Variants in DNAJC10 observed in about 807,000 individuals in gnomAD.
DNAJC10 encodes the protein DnaJ heat shock protein family (Hsp40) member C10, also known as endoplasmic reticulum disulfide reductase DNAJC10.
In DNAJC10, 101 loss-of-function variants were observed where a neutral mutation model predicts 115.0. That is an observed-to-expected ratio of 0.88 (90% CI 0.75 to 1.04). The LOEUF is 1.04. DNAJC10 is among the 50% of genes least tolerant of loss of function. The pLI, the probability that DNAJC10 is intolerant of heterozygous loss-of-function variation, is 0.00. For synonymous variants in DNAJC10, 307 were observed against 301.5 expected (o/e 1.02, Z -0.19); for missense variants, 981 against 928.8 (o/e 1.06, Z -0.73).
rs1402448614 is a variant in DNAJC10, at chr2:182,717,032, T to G, written c.-187T>G. On this transcript the variant is annotated 5_prime_UTR_variant, in exon 2 of 24. The change abolishes an upstream ATG in the 5' untranslated region. Coordinates refer to ENST00000264065, the MANE Select transcript of DNAJC10 (RefSeq NM_018981.4). ...TTTTCAAAGGTATATTTTTGTGGAA[T>G]GAAAAGGAAGTATTAGAAATGAGCT... is the stretch of plus-strand genomic sequence containing the variant. 1 of 152,196 alleles carries G rather than the reference T, an allele frequency of 6.6e-6. No homozygotes were observed. The highest frequency in any genetic ancestry group is 1.9e-4 in the East Asian group (1 of 5,196). 9.4% of individuals were successfully genotyped at this position (152,196 alleles called of 1,614,324 possible).
intron 22 of DNAJC10, among the ~76,000 whole-genome samples, chr2:182,774,026 C>T (rs1471625814): frequency 6.6e-6 from 1 of 152,110 alleles, no homozygotes; most frequent in African/African-American, 2.4e-5. Flanking sequence ...GTGTAGATGA[C>T]CTTTTTGTTG....
At position 182,728,921 on chromosome 2, in the gene DNAJC10, G is replaced by C. The variant is rs778490741; in HGVS notation, c.560G>C (p.Gly187Ala). 1.9e-6 allele frequency: 3 copies of C among 1,614,004 alleles called. No homozygotes were observed. In the South Asian group the frequency reaches 3.3e-5, roughly 18 times the overall value. ...GLLRIGAVNC[G>A]DDRMLCRMKG... ...CTTCGAATTGGAGCTGTTAACTGTG[G>C]TGATGATAGAATGCTTTGCCGAATG... The change falls in exon 7 of 24, where the codon GGT becomes GCT. Residue 187 changes from glycine to alanine, a missense_variant. Physicochemically the swap from Gly to Ala is moderately conservative, Grantham distance 60. Transcript: ENST00000264065.
chr2:182,751,492 C>CG (rs1694017361), intron 14 of DNAJC10, among the ~76,000 whole-genome samples, 166 bp from the exon 15 acceptor site: 1 of 152,068 alleles, frequency 6.6e-6, no homozygotes, highest in Admixed American at 6.6e-5. Flanking sequence ...AAGGGTGCTC[C>CG]TATCAGAGCT....
At chr2:182,755,500 A>G (rs1195451222) in intron 17 of DNAJC10, among the ~76,000 whole-genome samples, 1 of 151,626 alleles carries the variant, frequency 6.6e-6, no homozygotes, top group East Asian at 1.9e-4. Context: ...CCTAGAAAAA[A>G]AAAAAGAAAA....
intron 14 of DNAJC10, among the ~76,000 whole-genome samples, chr2:182,750,871 T>C (rs1342887864): frequency 1.3e-4 from 20 of 152,214 alleles, no homozygotes; most frequent in Admixed American, 6.5e-5. Context: ...CCATCATATA[T>C]GTGGTCCACC....
At position 182,790,288 on chromosome 2, in the gene DNAJC10, T is replaced by G. The variant is rs1283922482; in HGVS notation, c.*13156T>G. Reference sequence around the variant, plus strand: ...ATTTTATACTTATAAACTTCAAGATTTGCTGAAGTACTTTGGGTGCTAAAT... The same window carrying G: ...ATTTTATACTTATAAACTTCAAGATGTGCTGAAGTACTTTGGGTGCTAAAT... On this transcript the variant is annotated 3_prime_UTR_variant, in exon 24 of 24. Transcript: ENST00000264065. 3 of 152,218 alleles carry G rather than the reference T, an allele frequency of 2.0e-5. No individual in the cohort carries two copies. Among genetic ancestry groups the G allele is most frequent in the Non-Finnish European group, 4.4e-5 (3 of 68,036 alleles). 9.4% of individuals were successfully genotyped at this position (152,218 alleles called of 1,614,324 possible).
At chr2:182,732,906 C>T (rs1693488146) in intron 10 of DNAJC10, among the ~76,000 whole-genome samples, 1 of 151,828 alleles carries the variant, frequency 6.6e-6, no homozygotes, top group Non-Finnish European at 1.5e-5. Flanking sequence ...GGGAAGTAGC[C>T]TGAGTGATGT....
intron 10 of DNAJC10, among the ~76,000 whole-genome samples, chr2:182,734,463 T>C (rs1016978414): frequency 3.3e-5 from 5 of 151,854 alleles, no homozygotes; most frequent in African/African-American, 1.2e-4. Flanking sequence ...TTTTTTTAAG[T>C]TGTTAAGCCT....
At chr2:182,738,742 G>T (rs181209649) in intron 11 of DNAJC10, among the ~76,000 whole-genome samples, 1 of 152,122 alleles carries the variant, frequency 6.6e-6, no homozygotes, top group Admixed American at 6.5e-5. Context: ...GGGTTTCACC[G>T]TGTTAGCCAG....
Position 182,752,156 on chromosome 2 carries a change from G to C in DNAJC10, c.1519G>C (p.Asp507His). 1 of 1,611,002 alleles carries C rather than the reference G, an allele frequency of 6.2e-7. No homozygotes were observed. The highest frequency in any genetic ancestry group is 8.5e-7 in the Non-Finnish European group (1 of 1,177,722). The change falls in exon 16 of 24, where the codon GAT becomes CAT. Residue 507 changes from aspartate to histidine, a missense_variant. Coordinates refer to ENST00000264065, the MANE Select transcript of DNAJC10 (RefSeq NM_018981.4). ...LYGQLKFGTL[D>H]CTVHEGLCNM... The stretch of plus-strand genomic sequence containing the variant: ...TGGTCAGCTTAAGTTTGGTACACTA[G>C]ATTGTACAGTTCATGAGGGACTCTG...
intron 22 of DNAJC10, among the ~76,000 whole-genome samples, chr2:182,771,488 A>T (rs1238215269): frequency 1.3e-5 from 2 of 152,124 alleles, no homozygotes; most frequent in African/African-American, 4.8e-5. Flanking sequence ...GCTATTAATT[A>T]TTGCCTCAAT....
intron 5 of DNAJC10, among the ~76,000 whole-genome samples, chr2:182,724,702 C>G (rs1240427024): frequency 6.6e-6 from 1 of 152,116 alleles, no homozygotes; most frequent in Non-Finnish European, 1.5e-5. Flanking sequence ...TGTATATTAA[C>G]AGACAGTAGC....
At chr2:182,726,008 G>A (rs1040589096) in intron 5 of DNAJC10, among the ~76,000 whole-genome samples, 2 of 152,142 alleles carry the variant, frequency 1.3e-5, no homozygotes, top group Non-Finnish European at 2.9e-5. Flanking sequence ...TGATTCCTCT[G>A]ATGGATCCAG....
chr2:182,736,255 C>A lies in DNAJC10; in HGVS notation c.856C>A (p.Leu286Ile). ...RLRLSGMLDG[L>I]VNVGWMDCAT... ...TTGTTTCTTTCCATTTTAGGATGGT[C>A]TTGTTAATGTAGGATGGATGGACTG... The change falls in exon 11 of 24, where the codon CTT (leucine) becomes ATT (isoleucine). Residue 286 changes from leucine (L) to isoleucine (I), a missense_variant. Coordinates refer to ENST00000264065, the MANE Select transcript of DNAJC10 (RefSeq NM_018981.4). The A allele has an allele frequency of 6.4e-7, 1 of 1,560,866 alleles. No homozygotes were observed. Among genetic ancestry groups the A allele is most frequent in the Non-Finnish European group, 8.6e-7 (1 of 1,161,910 alleles).
chr2:182,746,155 G>C (rs1559011152), intron 14 of DNAJC10, among the ~76,000 whole-genome samples: 1 of 152,142 alleles, frequency 6.6e-6, no homozygotes, highest in Non-Finnish European at 1.5e-5. Context: ...ATTTGGGTTG[G>C]TTCCAAGTCT....
intron 13 of DNAJC10, 95 bp from the exon 14 acceptor site, chr2:182,743,503 C>A: frequency 1.2e-6 from 1 of 828,102 alleles, no homozygotes; most frequent in Non-Finnish European, 2.0e-6. Flanking sequence ...AAAACTGTGT[C>A]ATTAGGGCAG....
rs188330360 is a variant in DNAJC10, at chr2:182,729,107, G to A, written c.633+113G>A. 152 of 1,123,212 alleles carry A rather than the reference G, an allele frequency of 1.4e-4. 1 individual carries two copies. The African/African-American group carries it at 2.1e-3, about 16-fold the overall frequency. The allele number at this position is 1,123,212 out of a possible 1,614,324, so 69.6% of individuals were successfully genotyped here. On this transcript the variant is annotated intron_variant, in intron 7 of 23. Transcript: ENST00000264065. ...GAACATTTTAAGTCTTGTTTTACAA[G>A]GTGCCATCTCACTAGTCTTCTGTAA... is the stretch of plus-strand genomic sequence containing the variant.
intron 22 of DNAJC10, among the ~76,000 whole-genome samples, chr2:182,764,741 C>A (rs112072879): frequency 4.2e-4 from 64 of 152,138 alleles, no homozygotes; most frequent in Middle Eastern, 6.8e-3. Flanking sequence ...TAGTTGCCAC[C>A]GCTAGTAATA....
intron 10 of DNAJC10, 111 bp downstream of exon 10, chr2:182,732,653 G>A: frequency 9.6e-7 from 1 of 1,042,296 alleles, no homozygotes; most frequent in Non-Finnish European, 1.5e-6. Flanking sequence ...TCACCTATTT[G>A]TAATCTTATT....
Sources: allele counts gnomAD v4.1 joint callset (sites outside exome capture counted in the v4.1 genomes callset), GRCh38; gene constraint gnomAD v4.1.1; transcripts MANE v1.5; gene names NCBI Gene and HGNC (gene_info 2026-07-23, HGNC 2026-07-21).